The following NPHS1 variants were observed in gnomAD, a reference collection of about 807,000 sequenced individuals.
The protein encoded by NPHS1 is NPHS1 adhesion molecule, nephrin.
In NPHS1, 107 loss-of-function variants were observed where a neutral mutation model predicts 139.7. The ratio of observed to expected loss-of-function variants is 0.77; its 90% CI spans 0.66 to 0.90. The LOEUF (loss-of-function observed/expected upper bound fraction) is 0.90, where lower values mean the gene tolerates loss of function less well. Among genes scored for constraint, NPHS1 ranks in the 40% least tolerant of loss-of-function variants. The pLI is 0.00. For missense variants in NPHS1, 1,580 were observed against 1,654.2 expected, an observed-to-expected ratio of 0.96 and a Z score of 0.78; for synonymous variants, 707 against 706.6, an observed-to-expected ratio of 1.00 and a Z score of -0.01.
chr19:35,837,031 AAAGAAAG>A (rs1157440297), intron 22 of NPHS1, among the ~76,000 whole-genome samples: 18 of 38,472 alleles, frequency 4.7e-4, no homozygotes, highest in Middle Eastern at 0.015. Flanking sequence ...AAAAGAAAAG[AAAGAAAG>A]AAAGAAAGAA....
rs368174279 is a variant in NPHS1 at position 35,848,362 on chromosome 19, C to T, written c.1206G>A (p.Leu402=). The change falls in exon 10 of 29, where the codon CTG becomes CTA. Residue 402 remains leucine, a synonymous_variant. Transcript: ENST00000378910. ...LHGGHISMSN[L]TFLARREDNG... is the part of the protein sequence containing the mutation. Reference sequence around the variant, plus strand: ...TGTCCTCCCGCCGCGCCAGGAATGTCAGGTTGGACATGGAGATGTGACCGC... The same window carrying T: ...TGTCCTCCCGCCGCGCCAGGAATGTTAGGTTGGACATGGAGATGTGACCGC... 8 of 1,614,008 alleles carry T rather than the reference C, an allele frequency of 5.0e-6. No individual in the cohort carries two copies. Among genetic ancestry groups the T allele is most frequent in the Non-Finnish European group, 5.1e-6 (6 of 1,180,038 alleles).
At position 35,842,313 on chromosome 19, in the gene NPHS1, G is replaced by A. The variant is rs201590005; in HGVS notation, c.2507-33C>T. The A allele has an allele frequency of 3.6e-5, 58 of 1,612,294 alleles. No individual in the cohort carries two copies. The East Asian group carries it at 1.3e-3, about 36-fold the overall frequency. ...GGGATGGGCAGTCAACATGAGCTAT[G>A]TGGGAGACATGAGGGCTGTGGGTTC... On this transcript the variant is annotated intron_variant, in intron 18 of 28. Transcript: ENST00000378910.
intron 22 of NPHS1, among the ~76,000 whole-genome samples, chr19:35,838,499 G>A (rs184907297): frequency 1.3e-3 from 197 of 152,266 alleles, no homozygotes; most frequent in African/African-American, 4.4e-3. Flanking sequence ...GTTGTAGTGA[G>A]CCAAGATCAT....
chr19:35,844,564 G>A (rs967882937), intron 14 of NPHS1, 105 bp from the exon 15 acceptor site: 6 of 1,228,844 alleles, frequency 4.9e-6, no homozygotes, highest in Non-Finnish European at 6.9e-6. Context: ...GGGTCACGAC[G>A]GGGTTTAAGG....
At chr19:35,844,267 C>G (rs1356161530) in intron 15 of NPHS1, 24 bp from the exon 16 acceptor site, 1 of 1,613,686 alleles carries the variant, frequency 6.2e-7, no homozygotes, top group African/African-American at 1.3e-5. Flanking sequence ...GAATAAGGGA[C>G]CTGGCAGGAC....
intron 18 of NPHS1, 22 bp from the exon 19 acceptor site, chr19:35,842,302 AC>A: frequency 6.2e-7 from 1 of 1,612,336 alleles, no homozygotes; most frequent in East Asian, 2.2e-5. Flanking sequence ...TGGGCAGTCA[AC>A]ATGAGCTATG....
chr19:35,837,007 A>G (rs1166985557), intron 22 of NPHS1, among the ~76,000 whole-genome samples: 32 of 139,138 alleles, frequency 2.3e-4, no homozygotes, highest in East Asian at 8.1e-4. Context: ...AAAAAAAAAA[A>G]AAAGAAAGAA....
chr19:35,835,199 CAAAAAAAAAAA>C lies in NPHS1; in HGVS notation c.3166+495_3166+505del, dbSNP rs71167570. ...TGGGCAACAGAATGAGACTCTGTCTCAAAAAAAAAAAAAAAAAAAAGAAAGAAAGAAAGAAA... is the reference window on the plus strand; with the variant it reads ...TGGGCAACAGAATGAGACTCTGTCTCAAAAAAAAAGAAAGAAAGAAAGAAA... On this transcript the variant is annotated intron_variant, in intron 23 of 28. Coordinates refer to ENST00000378910, the MANE Select transcript of NPHS1 (RefSeq NM_004646.4). 1.1e-3 allele frequency among the ~76,000 whole-genome samples: 75 copies of C among 71,232 alleles called. 1 individual carries two copies. The highest frequency in any genetic ancestry group is 3.4e-3 in the African/African-American group (64 of 18,782). The allele number at this position is 71,232 out of a possible 152,430, so 46.7% of individuals were successfully genotyped here. A position where few individuals can be genotyped will look rare whatever the true frequency, so the allele number is the denominator to read the frequency against.
intron 16 of NPHS1, 105 bp from the exon 17 acceptor site, chr19:35,843,698 G>A: frequency 6.9e-7 from 1 of 1,447,694 alleles, no homozygotes; most frequent in Non-Finnish European, 9.6e-7. Flanking sequence ...GGAAAGTTAT[G>A]GGTGTGGACA....
At chr19:35,837,916 T>A (rs1972991720) in intron 22 of NPHS1, among the ~76,000 whole-genome samples, 2 of 128,644 alleles carry the variant, frequency 1.6e-5, no homozygotes. Context: ...AAACTTAGAA[T>A]ATGCATTTGA....
chr19:35,830,763 T>G lies in NPHS1; in HGVS notation c.3594+81A>C. 3 of 877,604 alleles carry G rather than the reference T, an allele frequency of 3.4e-6. No homozygotes were observed. The South Asian group carries it at 3.9e-5, about 12-fold the overall frequency. The allele number at this position is 877,604 out of a possible 1,614,324, so 54.4% of individuals were successfully genotyped here. ...AGGCCTCTTTGTTACAGCAGCTAGC[T>G]GGCCCTAACTAATACAAGCAATAGG... On this transcript the variant is annotated intron_variant, in intron 28 of 28. Coordinates refer to ENST00000378910, the MANE Select transcript of NPHS1 (RefSeq NM_004646.4).
rs746875090 is a variant in NPHS1 at position 35,825,409 on chromosome 19, T to C, written c.*1105A>G. On this transcript the variant is annotated 3_prime_UTR_variant, in exon 29 of 29. Transcript: ENST00000378910. ...ATCACTTTTATTGAGATATCATTTA[T>C]GTACAATAAAAATGCACCCATCTTA... Among the ~76,000 whole-genome samples, 14 of 152,160 alleles carry C rather than the reference T, an allele frequency of 9.2e-5. No individual in the cohort carries two copies. Among genetic ancestry groups the C allele is most frequent in the Non-Finnish European group, 1.6e-4 (11 of 68,032 alleles).
Position 35,849,082 on chromosome 19 carries a change from C to T in NPHS1, c.906G>A (p.Leu302=). 1 of 1,610,306 alleles carries T rather than the reference C, an allele frequency of 6.2e-7. No individual in the cohort carries two copies. Among genetic ancestry groups the T allele is most frequent in the Non-Finnish European group, 8.5e-7 (1 of 1,180,000 alleles). The change falls in exon 8 of 29, where the codon CTG becomes CTA. Residue 302 remains leucine, a synonymous_variant. Transcript: ENST00000378910. ...EHTQAVARSV[L]VMTVRPEDHG... Reference sequence around the variant, plus strand: ...GGTCTTCTGGCCTCACGGTCATCACCAGCACACTGCGGGCCACCGCCTGGG... The same window carrying T: ...GGTCTTCTGGCCTCACGGTCATCACTAGCACACTGCGGGCCACCGCCTGGG...
chr19:35,826,700 T>A, intron 28 of NPHS1, 55 bp from the exon 29 acceptor site: 3 of 1,596,062 alleles, frequency 1.9e-6, no homozygotes, highest in Non-Finnish European at 2.6e-6. Flanking sequence ...TAGGTCTTCA[T>A]TGAAGATCTG....
rs1320054926 is a variant in NPHS1 at position 35,841,678 on chromosome 19, GCACCCCCTCCCCAACACCCTCA to G, written c.2815+15_2815+36del. The G allele has an allele frequency of 3.1e-6, 5 of 1,612,404 alleles. No homozygotes were observed. Among genetic ancestry groups the G allele is most frequent in the Non-Finnish European group, 4.2e-6 (5 of 1,178,598 alleles). The stretch of plus-strand genomic sequence containing the variant: ...AGGGATGTGGGAATGGATCCAGGGA[GCACCCCCTCCCCAACACCCTCA>G]CAGCCCCTCCATACTGATGCTGACA... On this transcript the variant is annotated intron_variant, in intron 20 of 28. Coordinates refer to ENST00000378910, the MANE Select transcript of NPHS1 (RefSeq NM_004646.4).
Position 35,851,850 on chromosome 19 carries a change from T to C in NPHS1, c.-13A>G. Reference sequence around the variant, plus strand: ...TCCCCAGGGCCATCACAGGTCCCCCTACTGTGACCCCCACAGCGCCCGCTG... The same window carrying C: ...TCCCCAGGGCCATCACAGGTCCCCCCACTGTGACCCCCACAGCGCCCGCTG... On this transcript the variant is annotated 5_prime_UTR_variant, in exon 1 of 29. Transcript: ENST00000378910. 6.5e-7 allele frequency: 1 copy of C among 1,550,044 alleles called. No individual in the cohort carries two copies.
chr19:35,843,431 C>A (rs1014459459), intron 17 of NPHS1, 41 bp downstream of exon 17: 1 of 1,612,680 alleles, frequency 6.2e-7, no homozygotes, highest in Non-Finnish European at 8.5e-7. Context: ...AAACCACAAC[C>A]CCTTGACCCC....
chr19:35,848,333 C>T lies in NPHS1; in HGVS notation c.1235G>A (p.Gly412Asp), dbSNP rs988206099. 6.2e-6 allele frequency: 10 copies of T among 1,613,966 alleles called. No individual in the cohort carries two copies. Among genetic ancestry groups the T allele is most frequent in the Non-Finnish European group, 7.6e-6 (9 of 1,180,010 alleles). The change falls in exon 10 of 29, where the codon GGT becomes GAT. Residue 412 changes from glycine (G) to aspartate (D), a missense_variant. Gly to Asp is a moderately conservative substitution (Grantham distance 94). Transcript: ENST00000378910. ...LTFLARREDN[G>D]LTLTCEAFSE... is the part of the protein sequence containing the mutation. ...GAAGGCCTCACATGTGAGGGTCAGA[C>T]CGTTGTCCTCCCGCCGCGCCAGGAA...
chr19:35,850,439 T>C lies in NPHS1; in HGVS notation c.533A>G (p.Gln178Arg), dbSNP rs1292872387. 6.2e-7 allele frequency: 1 copy of C among 1,614,086 alleles called. No individual in the cohort carries two copies. The highest frequency in any genetic ancestry group is 2.2e-5 in the East Asian group (1 of 44,884). Residue 178 changes from glutamine to arginine, a missense_variant, in exon 5 of 29, where the codon CAG (glutamine) becomes CGG (arginine). Gln to Arg is a conservative substitution (Grantham distance 43, BLOSUM62 1). Transcript: ENST00000378910. ...GTTTGCAGAGATGTCAGATATTGTC[T>C]GTCCACCTTGGGGCAGCAAGAGGGC... ...APDITILLSG[Q>R]TISDISANVN...
Sources: gnomAD v4.1 joint callset for allele counts (sites outside exome capture counted in the v4.1 genomes callset) on GRCh38, gnomAD v4.1.1 for gene constraint, MANE v1.5 for transcripts, NCBI Gene and HGNC (gene_info 2026-07-23, HGNC 2026-07-21) for gene names.